The following MSANTD7 variants were observed in gnomAD, a reference collection of about 807,000 sequenced individuals.
The protein encoded by MSANTD7 is zinc finger and SCAN domain containing 29.
the MSANTD7 span, chr10:14,838,310 AG>A: frequency 7.7e-7 from 1 of 1,303,898 alleles, no homozygotes; most frequent in Admixed American, 2.0e-5. Context: ...GGGAACGTGA[AG>A]CTCCGCGGTG....
chr10:14,840,174 T>C, the MSANTD7 span: 1 of 1,192,414 alleles, frequency 8.4e-7, no homozygotes, highest in Non-Finnish European at 1.2e-6. Flanking sequence ...AATCAAATGA[T>C]ACTTTTAAAT....
chr10:14,843,950 C>G, the MSANTD7 span: 1 of 1,521,494 alleles, frequency 6.6e-7, no homozygotes, highest in Non-Finnish European at 8.8e-7. Flanking sequence ...GTTCCCAAAC[C>G]TGCCTTCTGA....
the MSANTD7 span, chr10:14,840,041 A>AATAT: frequency 1.9e-4 from 229 of 1,194,510 alleles, no homozygotes; most frequent in Admixed American, 6.9e-4. Flanking sequence ...CATACATTGT[A>AATAT]ATATATATAT....
chr10:14,840,100 G>T, the MSANTD7 span: 1 of 1,455,762 alleles, frequency 6.9e-7, no homozygotes, highest in Non-Finnish European at 9.2e-7. Flanking sequence ...GCAAAACAAA[G>T]TAGAATAAGA....
the MSANTD7 span, chr10:14,838,638 C>G: frequency 3.4e-6 from 2 of 590,858 alleles, no homozygotes; most frequent in Admixed American, 3.6e-5. Flanking sequence ...CTGGCGATTC[C>G]TCCGGAAAGT....
At chr10:14,845,407 G>C in the MSANTD7 span, 1 of 985,332 alleles carries the variant, frequency 1.0e-6, no homozygotes, top group Non-Finnish European at 1.2e-6. Flanking sequence ...TGGAGAAATG[G>C]TCAGAGCAGC....
At chr10:14,838,648 T>C in the MSANTD7 span, 1 of 562,516 alleles carries the variant, frequency 1.8e-6, no homozygotes. Context: ...CTCCGGAAAG[T>C]CGTCTACTCC....
chr10:14,846,405 C>T, the MSANTD7 span: 4 of 985,198 alleles, frequency 4.1e-6, no homozygotes, highest in African/African-American at 7.0e-5. Flanking sequence ...TTGTGAAATT[C>T]AATGGGTAAA....
chr10:14,845,387 T>G, the MSANTD7 span: 2 of 985,262 alleles, frequency 2.0e-6, no homozygotes, highest in Non-Finnish European at 2.4e-6. Flanking sequence ...ATGCTGGAAA[T>G]GGACATAGGT....
chr10:14,842,198 T>TA, the MSANTD7 span: 2 of 1,535,304 alleles, frequency 1.3e-6, no homozygotes, highest in South Asian at 1.2e-5. This position sits in a 1 kb window ranked among gnomAD's most constrained non-coding sequence, Gnocchi z 5.2. Context: ...ATCCTGGAGA[T>TA]ATCCTGAGAG....
At chr10:14,842,340 C>T in the MSANTD7 span, 2 of 1,536,160 alleles carry the variant, frequency 1.3e-6, no homozygotes, top group African/African-American at 2.7e-5. The surrounding 1 kb of genome is among the most constrained non-coding windows in gnomAD (Gnocchi z 5.2). Flanking sequence ...GAGACACGAA[C>T]TCTTCTCTCC....
At chr10:14,842,086 T>G in the MSANTD7 span, 2 of 1,423,008 alleles carry the variant, frequency 1.4e-6, no homozygotes, top group Non-Finnish European at 1.9e-6. The surrounding 1 kb of genome is among the most constrained non-coding windows in gnomAD (Gnocchi z 5.2). Flanking sequence ...GCTGCCAAAA[T>G]TATCCTTACA....
At chr10:14,846,821 AG>A in the MSANTD7 span, 2 of 985,416 alleles carry the variant, frequency 2.0e-6, no homozygotes, top group Non-Finnish European at 2.4e-6. Flanking sequence ...GGGATATTCA[AG>A]TAGGAGGAGG....
the MSANTD7 span, among the ~76,000 whole-genome samples, chr10:14,838,934 G>A: frequency 6.6e-6 from 1 of 152,184 alleles, no homozygotes; most frequent in African/African-American, 2.4e-5. Flanking sequence ...TGGGAAAGTT[G>A]TGGCCGCGAG....
At chr10:14,842,858 G>A in the MSANTD7 span, 1 of 1,499,098 alleles carries the variant, frequency 6.7e-7, no homozygotes, top group Non-Finnish European at 8.9e-7. The surrounding 1 kb of genome is among the most constrained non-coding windows in gnomAD (Gnocchi z 5.2). Flanking sequence ...TAACTCCCAA[G>A]CATGTGAAGG....
chr10:14,841,359 A>C, the MSANTD7 span: 2 of 152,242 alleles, frequency 1.3e-5, no homozygotes, highest in African/African-American at 2.4e-5. Flanking sequence ...TCAAGCCCAA[A>C]TCACTGAGCA....
chr10:14,846,248 T>G, the MSANTD7 span: 13 of 985,276 alleles, frequency 1.3e-5, no homozygotes, highest in Non-Finnish European at 1.4e-5. Context: ...GGTAGGTAGA[T>G]TTTCTGGAAA....
At chr10:14,840,599 C>T in the MSANTD7 span, among the ~76,000 whole-genome samples, 3 of 152,084 alleles carry the variant, frequency 2.0e-5, no homozygotes, top group African/African-American at 7.2e-5. Flanking sequence ...CGAACTTTTC[C>T]ACTTGACTTA....
At chr10:14,845,597 T>C in the MSANTD7 span, 2 of 863,812 alleles carry the variant, frequency 2.3e-6, no homozygotes, top group Non-Finnish European at 2.8e-6. Flanking sequence ...CTATTATTAT[T>C]ATTTTTTTTT....
Sources: allele counts gnomAD v4.1 joint callset (sites outside exome capture counted in the v4.1 genomes callset), GRCh38; gene constraint gnomAD v4.1.1; non-coding constraint Gnocchi (gnomAD v3.1); transcripts MANE v1.5; gene names NCBI Gene and HGNC (gene_info 2026-07-23, HGNC 2026-07-21).